TARS3: variants seen among roughly 807,000 people sequenced by gnomAD.
TARS3 encodes threonine--tRNA ligase 2, cytoplasmic.
A neutral mutation model predicts 103.5 loss-of-function variants in TARS3; 94 were observed. That is an observed-to-expected ratio of 0.91 (90% CI 0.77 to 1.08). The LOEUF (loss-of-function observed/expected upper bound fraction) is 1.08. Ranked by LOEUF, TARS3 falls within the 50% of genes least tolerant of loss-of-function variation. The probability of loss-of-function intolerance (pLI) is 0.00; values close to 1 mark genes in which losing one functional copy is unlikely to be tolerated. For synonymous variants in TARS3, 416 were observed against 355.4 expected (o/e 1.17, Z -1.92); for missense variants, 952 against 995.2 (o/e 0.96, Z 0.58).
chr15:101,708,937 T>A, intron 5 of TARS3, 27 bp from the exon 6 acceptor site: 1 of 1,427,594 alleles, frequency 7.0e-7, no homozygotes, highest in Non-Finnish European at 9.5e-7. Flanking sequence ...AGAACCGACA[T>A]CCATCTTCCA....
At chr15:101,723,570 T>C (rs1385762385) in intron 1 of TARS3, among the ~76,000 whole-genome samples, 1 of 152,168 alleles carries the variant, frequency 6.6e-6, no homozygotes, top group Non-Finnish European at 1.5e-5. Context: ...TAAAAGAAGA[T>C]AATTTATCCT....
chr15:101,682,163 C>T (rs1304410261), intron 12 of TARS3, among the ~76,000 whole-genome samples: 2 of 152,092 alleles, frequency 1.3e-5, no homozygotes, highest in Admixed American at 6.5e-5. Flanking sequence ...ACCTGCAGTA[C>T]AATGATCAGA....
chr15:101,700,643 C>CTTTTTTTTTTTTTTTTTTT (rs756944000), intron 10 of TARS3, among the ~76,000 whole-genome samples: 1 of 145,076 alleles, frequency 6.9e-6, no homozygotes. Context: ...TAGTACCTCA[C>CTTTTTTTTTTTTTTTTTTT]TTTTTTTTTT....
chr15:101,657,807 G>C lies in TARS3; in HGVS notation c.2123C>G (p.Thr708Ser). ...TACCTGAAGTGCATATTTTTCACAA[G>C]TTGGCCCCACAGGGATGACCATCAC... ...RQVMVIPVGP[T>S]CEKYALQVSS... The change falls in exon 17 of 19, where the codon ACT becomes AGT. Residue 708 changes from threonine to serine, a missense_variant. Coordinates refer to ENST00000335968, the MANE Select transcript of TARS3 (RefSeq NM_152334.3). 2 of 1,609,634 alleles carry C rather than the reference G, an allele frequency of 1.2e-6. No homozygotes were observed. Among genetic ancestry groups the C allele is most frequent in the South Asian group, 1.1e-5 (1 of 90,288 alleles).
chr15:101,654,815 C>A, intron 18 of TARS3, 85 bp from the exon 19 acceptor site: 1 of 1,340,188 alleles, frequency 7.5e-7, no homozygotes, highest in South Asian at 1.3e-5. Context: ...ATGTTTTTAT[C>A]AAGTTTTTCT....
chr15:101,671,786 G>A, intron 13 of TARS3, 38 bp from the exon 14 acceptor site: 3 of 1,543,684 alleles, frequency 1.9e-6, no homozygotes, highest in Non-Finnish European at 2.7e-6. Context: ...ATTATACACT[G>A]TATCTTTTTT....
intron 18 of TARS3, chr15:101,656,093 G>A: frequency 1.6e-6 from 2 of 1,263,828 alleles, no homozygotes; most frequent in South Asian, 2.5e-5. Flanking sequence ...AACGAGAAAT[G>A]GGGAGAAATA....
chr15:101,703,725 C>A, intron 8 of TARS3, 134 bp downstream of exon 8: 1 of 628,374 alleles, frequency 1.6e-6, no homozygotes, highest in Non-Finnish European at 2.8e-6. Flanking sequence ...TAGTTTTCAT[C>A]AAATAAGAAT....
At chr15:101,684,593 T>C (rs1389358972) in intron 11 of TARS3, among the ~76,000 whole-genome samples, 4 of 152,208 alleles carry the variant, frequency 2.6e-5, no homozygotes, top group African/African-American at 9.7e-5. Context: ...CTCACGTTCC[T>C]GGAACACCTC....
chr15:101,724,360 C>A lies in TARS3; in HGVS notation c.28G>T (p.Ala10Ser), dbSNP rs746615358. 1.9e-6 allele frequency: 3 copies of A among 1,539,290 alleles called. No homozygotes were observed. The change falls in exon 1 of 19, where the codon GCC (alanine) becomes TCC (serine). Residue 10 changes from alanine to serine, a missense_variant. Transcript: ENST00000335968. MAAEALAAEAVASRLERQEE... is the reference protein window; with the variant it reads MAAEALAAESVASRLERQEE... ...TGCCGCTCCAGGCGCGACGCCACGG[C>A]CTCCGCCGCCAGGGCCTCGGCCGCC... is the stretch of plus-strand genomic sequence containing the variant.
chr15:101,697,978 G>A (rs931432118), intron 10 of TARS3, among the ~76,000 whole-genome samples: 18 of 152,210 alleles, frequency 1.2e-4, no homozygotes, highest in African/African-American at 4.1e-4. Context: ...TTGAAAGGCA[G>A]CACAAAATGA....
At chr15:101,687,766 G>A (rs963634590) in intron 10 of TARS3, among the ~76,000 whole-genome samples, 1 of 152,114 alleles carries the variant, frequency 6.6e-6, no homozygotes, top group South Asian at 2.1e-4. Flanking sequence ...AGGAAGTAGG[G>A]CCTCTGACAA....
intron 10 of TARS3, among the ~76,000 whole-genome samples, chr15:101,693,322 G>A (rs1898812243): frequency 1.3e-5 from 2 of 152,112 alleles, no homozygotes; most frequent in South Asian, 2.1e-4. Context: ...CATCTTAAAT[G>A]GCAGCAGGCA....
chr15:101,723,786 C>T (rs193055751), intron 1 of TARS3, among the ~76,000 whole-genome samples: 236 of 152,354 alleles, frequency 1.5e-3, no homozygotes, highest in Admixed American at 2.7e-3. Flanking sequence ...TTTAAACACT[C>T]CAGCATTTTT....
At position 101,654,525 on chromosome 15, in the gene TARS3, A is replaced by G. The variant is rs1897126884; in HGVS notation, c.*57T>C. The G allele has an allele frequency of 1.3e-6, 2 of 1,582,376 alleles. No homozygotes were observed. The highest frequency in any genetic ancestry group is 2.7e-5 in the African/African-American group (2 of 72,902). ...GTAGAAGTACTAACATGTTAAGAAA[A>G]ATACATTTTTAAGGGTCAAAACAAA... is the stretch of plus-strand genomic sequence containing the variant. On this transcript the variant is annotated 3_prime_UTR_variant, in exon 19 of 19. Coordinates refer to ENST00000335968, the MANE Select transcript of TARS3 (RefSeq NM_152334.3).
intron 10 of TARS3, among the ~76,000 whole-genome samples, chr15:101,689,004 C>T (rs1357687145): frequency 1.3e-5 from 2 of 152,112 alleles, no homozygotes; most frequent in Non-Finnish European, 2.9e-5. Context: ...TGGAATCTTT[C>T]GATAACATGT....
chr15:101,673,534 G>A (rs1897900482), intron 13 of TARS3, among the ~76,000 whole-genome samples: 1 of 152,152 alleles, frequency 6.6e-6, no homozygotes, highest in Non-Finnish European at 1.5e-5. Context: ...ACCATTTCAT[G>A]CTGGATCCTG....
At chr15:101,691,294 T>TATATA (rs1567339989) in intron 10 of TARS3, among the ~76,000 whole-genome samples, 1 of 84,398 alleles carries the variant, frequency 1.2e-5, no homozygotes, top group African/African-American at 3.3e-5. Flanking sequence ...ATATATATAT[T>TATATA]TTTGAAACAG....
chr15:101,675,522 C>A, intron 13 of TARS3, 78 bp downstream of exon 13: 1 of 1,372,196 alleles, frequency 7.3e-7, no homozygotes, highest in South Asian at 1.4e-5. Flanking sequence ...ATTATTGCAT[C>A]CTCCTGTGAA....
Sources: gnomAD v4.1 joint callset for allele counts (sites outside exome capture counted in the v4.1 genomes callset) on GRCh38, gnomAD v4.1.1 for gene constraint, MANE v1.5 for transcripts, NCBI Gene and HGNC (gene_info 2026-07-23, HGNC 2026-07-21) for gene names.